TGM3: variants seen among roughly 807,000 people sequenced by gnomAD.
TGM3 encodes transglutaminase 3.
A neutral mutation model predicts 73.8 loss-of-function variants in TGM3; 52 were observed. The observed-to-expected ratio is 0.70, with a 90% confidence interval of 0.56 to 0.89. TGM3 has a LOEUF of 0.89. TGM3 is among the 40% of genes least tolerant of loss of function. TGM3 has a pLI of 0.00. For synonymous variants in TGM3, 372 were observed against 354.9 expected, an observed-to-expected ratio of 1.05 and a Z score of -0.54; for missense variants, 928 against 909.9, an observed-to-expected ratio of 1.02 and a Z score of -0.26.
intron 7 of TGM3, among the ~76,000 whole-genome samples, chr20:2,318,838 C>T (rs574865994): frequency 2.8e-4 from 42 of 152,086 alleles, no homozygotes; most frequent in African/African-American, 5.8e-4. Flanking sequence ...TAAAATGAAA[C>T]GAAAATAGAT....
chr20:2,301,032 G>A (rs1267589657), intron 1 of TGM3, among the ~76,000 whole-genome samples: 1 of 152,036 alleles, frequency 6.6e-6, no homozygotes, highest in Non-Finnish European at 1.5e-5. Context: ...CCTCTCACCG[G>A]TTCAGGCACC....
intron 7 of TGM3, among the ~76,000 whole-genome samples, chr20:2,321,625 G>A (rs575374431): frequency 3.3e-5 from 5 of 152,198 alleles, no homozygotes; most frequent in East Asian, 1.9e-4. Context: ...TGAGAGCAGC[G>A]GAAATCTGCA....
chr20:2,313,618 CACAA>C (rs903563953), intron 5 of TGM3, among the ~76,000 whole-genome samples: 1 of 149,792 alleles, frequency 6.7e-6, no homozygotes, highest in Non-Finnish European at 1.5e-5. Flanking sequence ...CTACAACACA[CACAA>C]ACACACACAC....
At position 2,340,949 on chromosome 20, in the gene TGM3, C is replaced by T. The variant is rs766655782; in HGVS notation, c.*368C>T. On this transcript the variant is annotated 3_prime_UTR_variant, in exon 13 of 13. Coordinates refer to ENST00000381458, the MANE Select transcript of TGM3 (RefSeq NM_003245.4). ...GAGAGAAGCTGGTCTAGACTGTTTG[C>T]TGATCCCCAACCTGCACGGGGCATT... 1 of 471,846 alleles carries T rather than the reference C, an allele frequency of 2.1e-6. No individual in the cohort carries two copies. The highest frequency in any genetic ancestry group is 6.6e-5 in the East Asian group (1 of 15,164). The allele number at this position is 471,846 out of a possible 1,614,324, so 29.2% of individuals were successfully genotyped here.
chr20:2,325,407 C>T (rs1282075658), intron 7 of TGM3, among the ~76,000 whole-genome samples: 1 of 152,160 alleles, frequency 6.6e-6, no homozygotes, highest in Non-Finnish European at 1.5e-5. Context: ...CTGCAGCAAC[C>T]CCATTCATTT....
intron 9 of TGM3, among the ~76,000 whole-genome samples, 160 bp from the exon 10 acceptor site, chr20:2,331,842 G>A (rs1600707084): frequency 1.3e-5 from 2 of 152,184 alleles, no homozygotes; most frequent in African/African-American, 4.8e-5. Flanking sequence ...GTGAGTCTCC[G>A]GTTAAGACAG....
At chr20:2,319,247 C>A (rs1028265490) in intron 7 of TGM3, among the ~76,000 whole-genome samples, 1 of 152,124 alleles carries the variant, frequency 6.6e-6, no homozygotes, top group Non-Finnish European at 1.5e-5. Context: ...GTTGGGGGTC[C>A]CCTCGGCATA....
intron 1 of TGM3, among the ~76,000 whole-genome samples, 172 bp from the exon 2 acceptor site, chr20:2,309,485 G>A (rs45514292): frequency 5.1e-4 from 78 of 152,314 alleles, no homozygotes; most frequent in African/African-American, 1.8e-3. Flanking sequence ...AGGTTGTGAT[G>A]TTCTTGCTAT....
chr20:2,309,507 G>A (rs948621487), intron 1 of TGM3, 150 bp from the exon 2 acceptor site: 2 of 745,494 alleles, frequency 2.7e-6, no homozygotes, highest in African/African-American at 3.5e-5. Context: ...CAAGATCAAG[G>A]TCTTTGGATT....
chr20:2,334,377 G>A lies in TGM3; in HGVS notation c.1643-739G>A, dbSNP rs561394900. ...GTCACATGTGACACAGAAGAAGAGT[G>A]ATTTAGAAAACAAAACAGAACAAAA... On this transcript the variant is annotated intron_variant, in intron 10 of 12. Coordinates refer to ENST00000381458, the MANE Select transcript of TGM3 (RefSeq NM_003245.4). The surrounding 1 kb of genome is among the most constrained non-coding windows in gnomAD (Gnocchi z 4.0). 6.6e-6 allele frequency among the ~76,000 whole-genome samples: 1 copy of A among 152,310 alleles called. No individual in the cohort carries two copies. Among genetic ancestry groups the A allele is most frequent in the Admixed American group, 6.5e-5 (1 of 15,292 alleles).
At chr20:2,303,796 GA>G (rs5839948) in intron 1 of TGM3, among the ~76,000 whole-genome samples, 1 of 151,824 alleles carries the variant, frequency 6.6e-6, no homozygotes, top group Admixed American at 6.6e-5. Flanking sequence ...ATGTTCTCAG[GA>G]AAAAAAATCT....
chr20:2,328,306 C>T lies in TGM3; in HGVS notation c.1274C>T (p.Thr425Ile). 1 of 1,614,128 alleles carries T rather than the reference C, an allele frequency of 6.2e-7. No individual in the cohort carries two copies. Among genetic ancestry groups the T allele is most frequent in the Non-Finnish European group, 8.5e-7 (1 of 1,180,038 alleles). Residue 425 changes from threonine (T) to isoleucine (I), a missense_variant, in exon 9 of 13, where the codon ACC (threonine) becomes ATC (isoleucine). Thr to Ile is a moderately conservative substitution (Grantham distance 89). Transcript: ENST00000381458. This position sits in a 1 kb window ranked among gnomAD's most constrained non-coding sequence, Gnocchi z 5.2. ...CACACCATTGGCAGGTACATCAGCACCAAGGCGGTGGGCAGCAATGCTCGC... is the reference window on the plus strand; with the variant it reads ...CACACCATTGGCAGGTACATCAGCATCAAGGCGGTGGGCAGCAATGCTCGC... ...NSHTIGRYIS[T>I]KAVGSNARMD...
chr20:2,300,068 C>T (rs1346691557), intron 1 of TGM3, among the ~76,000 whole-genome samples: 4 of 146,940 alleles, frequency 2.7e-5, no homozygotes, highest in East Asian at 2.0e-4. Context: ...GATCACACCA[C>T]TACACTCCAG....
intron 1 of TGM3, among the ~76,000 whole-genome samples, chr20:2,307,138 T>C (rs1436542675): frequency 6.6e-6 from 1 of 152,244 alleles, no homozygotes; most frequent in African/African-American, 2.4e-5. Context: ...TTTCAATGAA[T>C]ATTTGTTAAA....
intron 3 of TGM3, 24 bp from the exon 4 acceptor site, chr20:2,310,987 G>A: frequency 1.3e-6 from 2 of 1,595,810 alleles, no homozygotes; most frequent in Non-Finnish European, 1.7e-6. Flanking sequence ...CTAGTCGCTG[G>A]TGTCTGCTTT....
In TGM3 at chr20:2,335,033, C is replaced by T; in HGVS notation, c.1643-83C>T. 1.3e-6 allele frequency: 2 copies of T among 1,539,844 alleles called. 1 individual carries two copies. The highest frequency in any genetic ancestry group is 2.4e-5 in the South Asian group (2 of 83,462). On this transcript the variant is annotated intron_variant, in intron 10 of 12. Transcript: ENST00000381458. ...CAGATCCTCCCACCAGCTCACCCTG[C>T]CTTGGCTTGGCATCTGTTCTGAGGA... is the stretch of plus-strand genomic sequence containing the variant.
chr20:2,299,644 A>T (rs1330699161), intron 1 of TGM3, among the ~76,000 whole-genome samples: 1 of 152,168 alleles, frequency 6.6e-6, no homozygotes, highest in Non-Finnish European at 1.5e-5. Flanking sequence ...TATTTGTAAA[A>T]AGAGGACAGC....
intron 9 of TGM3, among the ~76,000 whole-genome samples, chr20:2,329,181 C>T (rs2084306253): frequency 1.3e-5 from 2 of 152,170 alleles, no homozygotes; most frequent in South Asian, 4.1e-4. Context: ...ATTGCTCATT[C>T]CATTGATCTT....
intron 8 of TGM3, among the ~76,000 whole-genome samples, chr20:2,327,237 G>T (rs970897220): frequency 4.6e-5 from 7 of 152,064 alleles, no homozygotes; most frequent in African/African-American, 1.4e-4. Flanking sequence ...TTGGGAGGCC[G>T]AGGTGGGTGG....
Sources: allele counts gnomAD v4.1 joint callset (sites outside exome capture counted in the v4.1 genomes callset), GRCh38; gene constraint gnomAD v4.1.1; non-coding constraint Gnocchi (gnomAD v3.1); transcripts MANE v1.5; gene names NCBI Gene and HGNC (gene_info 2026-07-23, HGNC 2026-07-21).